The following NCKAP5 variants were observed in gnomAD, a reference collection of about 807,000 sequenced individuals.
The protein encoded by NCKAP5 is nck-associated protein 5.
In NCKAP5, 92 loss-of-function variants were observed where a neutral mutation model predicts 167.0. The ratio of observed to expected loss-of-function variants is 0.55; its 90% CI spans 0.47 to 0.66. The LOEUF is 0.66. Among genes scored for constraint, NCKAP5 ranks in the 30% least tolerant of loss-of-function variants. The pLI, the probability that NCKAP5 is intolerant of heterozygous loss-of-function variation, is 0.00. For synonymous variants in NCKAP5, 891 were observed against 877.4 expected (o/e 1.02, Z -0.27); for missense variants, 2,378 against 2,315.0 (o/e 1.03, Z -0.56).
intron 4 of NCKAP5, among the ~76,000 whole-genome samples, chr2:133,227,388 T>C (rs150066055): frequency 3.7e-4 from 57 of 152,346 alleles, no homozygotes; most frequent in Admixed American, 8.5e-4. Flanking sequence ...TAGGGGAATA[T>C]TGACTTAGTT....
the NCKAP5 span, among the ~76,000 whole-genome samples, chr2:133,648,470 A>G: frequency 2.0e-5 from 3 of 152,278 alleles, no homozygotes; most frequent in Admixed American, 2.0e-4. Flanking sequence ...TCTCAAGTGC[A>G]TATGGATATT....
At chr2:133,521,195 G>T (rs1359082170) in intron 2 of NCKAP5, among the ~76,000 whole-genome samples, 1 of 152,184 alleles carries the variant, frequency 6.6e-6, no homozygotes, top group African/African-American at 2.4e-5. Context: ...GGGGAAATGA[G>T]TATATCATAT....
At chr2:133,391,070 C>T (rs1444239190) in intron 3 of NCKAP5, 1 of 152,174 alleles carries the variant, frequency 6.6e-6, no homozygotes, top group Non-Finnish European at 1.5e-5. Flanking sequence ...CTCAGCCCTC[C>T]TATTCTTTCC....
chr2:133,627,921 C>T, the NCKAP5 span, among the ~76,000 whole-genome samples: 3 of 152,208 alleles, frequency 2.0e-5, no homozygotes, highest in Non-Finnish European at 4.4e-5. Flanking sequence ...TGGCTTTGGC[C>T]GTGGTACTTC....
intron 8 of NCKAP5, among the ~76,000 whole-genome samples, chr2:132,912,459 G>A (rs1357763629): frequency 2.0e-5 from 3 of 152,112 alleles, no homozygotes; most frequent in Admixed American, 6.5e-5. Context: ...TTCAGAGCCC[G>A]TCCATGACAT....
intron 6 of NCKAP5, among the ~76,000 whole-genome samples, chr2:133,074,029 A>G (rs1215783292): frequency 6.6e-6 from 1 of 152,220 alleles, no homozygotes; most frequent in Non-Finnish European, 1.5e-5. Context: ...TTTCTCAAAG[A>G]GCAATAGATA....
intron 3 of NCKAP5, among the ~76,000 whole-genome samples, chr2:133,468,994 C>T (rs1273251881): frequency 6.6e-6 from 1 of 151,968 alleles, no homozygotes; most frequent in Non-Finnish European, 1.5e-5. Flanking sequence ...TTAATTGGAG[C>T]ATTTAGTCCA....
At chr2:133,197,603 A>T (rs56836351) in intron 5 of NCKAP5, among the ~76,000 whole-genome samples, 8,752 of 148,650 alleles carry the variant, frequency 0.059, 799 homozygotes, top group African/African-American at 0.2. Flanking sequence ...ATGTTGGTTT[A>T]AAAAAAAAAC....
At chr2:133,002,097 TC>T (rs1341969538) in intron 6 of NCKAP5, among the ~76,000 whole-genome samples, 1 of 152,092 alleles carries the variant, frequency 6.6e-6, no homozygotes, top group Admixed American at 6.5e-5. Flanking sequence ...CTGGAATCGA[TC>T]CCCCATGGAA....
chr2:132,880,352 G>A (rs185825875), intron 8 of NCKAP5, among the ~76,000 whole-genome samples: 38 of 152,316 alleles, frequency 2.5e-4, no homozygotes, highest in African/African-American at 8.2e-4. Context: ...ATGATAGGCT[G>A]GGCTTGGTGG....
intron 3 of NCKAP5, among the ~76,000 whole-genome samples, chr2:133,466,804 C>T (rs1473942850): frequency 1.3e-5 from 2 of 151,728 alleles, no homozygotes; most frequent in Non-Finnish European, 1.5e-5. Context: ...TGATTTGGCT[C>T]TCTGTTTGTC....
intron 11 of NCKAP5, among the ~76,000 whole-genome samples, chr2:132,842,058 C>T (rs996243001): frequency 2.6e-5 from 4 of 152,086 alleles, no homozygotes; most frequent in African/African-American, 7.2e-5. Context: ...ATTGGCATTA[C>T]ACACATTTTT....
chr2:133,252,282 A>G (rs184277489), intron 4 of NCKAP5, among the ~76,000 whole-genome samples: 56 of 152,308 alleles, frequency 3.7e-4, no homozygotes, highest in Admixed American at 3.3e-3. Context: ...CTATAAAATC[A>G]CTTTGCCCAG....
At chr2:133,062,313 G>A (rs1057162962) in intron 6 of NCKAP5, among the ~76,000 whole-genome samples, 1 of 152,148 alleles carries the variant, frequency 6.6e-6, no homozygotes, top group Non-Finnish European at 1.5e-5. Flanking sequence ...TATGAGGCTT[G>A]GCCTTGTGTC....
chr2:133,289,807 G>C (rs548185042), intron 4 of NCKAP5, among the ~76,000 whole-genome samples: 1 of 152,312 alleles, frequency 6.6e-6, no homozygotes, highest in African/African-American at 2.4e-5. Context: ...TCCATAGGCT[G>C]TATAGGAAGC....
chr2:132,790,794 C>T (rs1411504520), intron 12 of NCKAP5, among the ~76,000 whole-genome samples: 2 of 152,142 alleles, frequency 1.3e-5, no homozygotes, highest in South Asian at 4.1e-4. Flanking sequence ...AAGCACTAAA[C>T]GAGGGTCTAG....
intron 8 of NCKAP5, chr2:132,954,745 T>G (rs1217680917): frequency 2.2e-6 from 1 of 448,388 alleles, no homozygotes; most frequent in Non-Finnish European, 4.5e-6. Context: ...GAAATGCCAA[T>G]TCCAGCCATT....
intron 4 of NCKAP5, among the ~76,000 whole-genome samples, chr2:133,299,583 C>A (rs2150554402): frequency 6.6e-6 from 1 of 152,166 alleles, no homozygotes; most frequent in Non-Finnish European, 1.5e-5. Context: ...ACTGTCTCTA[C>A]TAAAAATACA....
At chr2:133,066,096 T>C (rs2080185755) in intron 6 of NCKAP5, among the ~76,000 whole-genome samples, 1 of 152,182 alleles carries the variant, frequency 6.6e-6, no homozygotes, top group African/African-American at 2.4e-5. Context: ...ATATGCCTCA[T>C]TAAGATAATT....
Sources: gnomAD v4.1 joint callset for allele counts (sites outside exome capture counted in the v4.1 genomes callset) on GRCh38, gnomAD v4.1.1 for gene constraint, MANE v1.5 for transcripts, NCBI Gene and HGNC (gene_info 2026-07-23, HGNC 2026-07-21) for gene names.